Variants in DENND2A observed in about 807,000 individuals in gnomAD.
DENND2A encodes the protein DENN domain-containing protein 2A.
Under a neutral mutation model 105.3 loss-of-function variants are expected in DENND2A, and 53 were observed. The observed-to-expected ratio is 0.50, with a 90% CI of 0.40 to 0.63. The LOEUF is 0.63. DENND2A is among the 30% of genes least tolerant of loss of function. The pLI is 0.00. For synonymous variants in DENND2A, 522 were observed against 508.4 expected, an observed-to-expected ratio of 1.03 and a Z score of -0.36; for missense variants, 1,138 against 1,279.6, an observed-to-expected ratio of 0.89 and a Z score of 1.69.
intron 1 of DENND2A, among the ~76,000 whole-genome samples, chr7:140,606,298 C>T (rs1237083943): frequency 6.6e-6 from 1 of 152,198 alleles, no homozygotes; most frequent in Non-Finnish European, 1.5e-5. Context: ...CCTTGGCCTT[C>T]CTAAGTGCTG....
chr7:140,614,898 C>T (rs985716293), intron 1 of DENND2A, among the ~76,000 whole-genome samples: 1 of 152,132 alleles, frequency 6.6e-6, no homozygotes, highest in African/African-American at 2.4e-5. Context: ...GGGTCTGTTG[C>T]CCAGGATGGA....
intron 12 of DENND2A, among the ~76,000 whole-genome samples, chr7:140,550,056 A>G (rs1469155498): frequency 7.3e-6 from 1 of 137,556 alleles, no homozygotes; most frequent in East Asian, 2.5e-4. Flanking sequence ...CTACCTCTGT[A>G]ACATTCCTAG....
chr7:140,601,624 G>A lies in DENND2A; in HGVS notation c.774C>T (p.Pro258=), dbSNP rs756037054. 1.2e-6 allele frequency: 2 copies of A among 1,613,416 alleles called. No homozygotes were observed. The highest frequency in any genetic ancestry group is 1.7e-6 in the Non-Finnish European group (2 of 1,179,600). The change falls in exon 3 of 20, where the codon CCC becomes CCT. Residue 258 remains proline (P), a synonymous_variant. Coordinates refer to ENST00000496613, the MANE Select transcript of DENND2A (RefSeq NM_015689.5). ...GCAGAGGGTTGATGAAGGGCTTTGT[G>A]GGGGAACCCTCCGAGCCCCTATACA... The part of the protein sequence containing the change: ...ENVYRGSEGS[P]TKPFINPLPK...
chr7:140,589,342 C>T (rs1396457308), intron 3 of DENND2A, among the ~76,000 whole-genome samples: 2 of 152,164 alleles, frequency 1.3e-5, no homozygotes, highest in East Asian at 3.9e-4. Flanking sequence ...TACATTGCTG[C>T]ATTACACAGT....
intron 14 of DENND2A, among the ~76,000 whole-genome samples, chr7:140,535,707 G>A (rs928192404): frequency 3.3e-5 from 5 of 151,974 alleles, no homozygotes; most frequent in Non-Finnish European, 5.9e-5. Flanking sequence ...TCAGCCTCCT[G>A]AGGAGCTGGG....
intron 13 of DENND2A, among the ~76,000 whole-genome samples, chr7:140,545,812 G>A (rs117484733): frequency 7.2e-5 from 11 of 152,202 alleles, no homozygotes; most frequent in East Asian, 5.8e-4. Flanking sequence ...GTGTTGCACC[G>A]CCTGGTGCTG....
intron 8 of DENND2A, among the ~76,000 whole-genome samples, chr7:140,568,475 A>G (rs1585653501): frequency 6.6e-6 from 1 of 152,216 alleles, no homozygotes; most frequent in Non-Finnish European, 1.5e-5. Context: ...CTGCAGTGTC[A>G]AGCCTTGAAG....
intron 12 of DENND2A, among the ~76,000 whole-genome samples, chr7:140,547,408 A>T (rs931264345): frequency 5.9e-5 from 9 of 152,228 alleles, no homozygotes; most frequent in Non-Finnish European, 1.3e-4. Flanking sequence ...CCATCATGAA[A>T]ATACAAATCA....
At chr7:140,536,705 C>T (rs1389642350) in intron 14 of DENND2A, among the ~76,000 whole-genome samples, 1 of 151,998 alleles carries the variant, frequency 6.6e-6, no homozygotes. Flanking sequence ...TGCTCTGTTG[C>T]CCAAGCTGCA....
chr7:140,601,266 G>T, intron 3 of DENND2A, 137 bp downstream of exon 3: 1 of 1,205,036 alleles, frequency 8.3e-7, no homozygotes, highest in Non-Finnish European at 1.1e-6. Context: ...AGTATCTTAA[G>T]CTATGAACCA....
rs567843788 is a variant in DENND2A at position 140,559,684 on chromosome 7, C to T, written c.1889+24G>A. 1.5e-5 allele frequency: 24 copies of T among 1,577,728 alleles called. No individual in the cohort carries two copies. Among genetic ancestry groups the T allele is most frequent in the Admixed American group, 6.7e-5 (4 of 59,646 alleles). ...AGTCTCGCCTTAGTCTTTGGGGCTG[C>T]GAAGGGGAGAAGCCAGCTCGTACCT... is the stretch of plus-strand genomic sequence containing the variant. On this transcript the variant is annotated intron_variant, in intron 10 of 19. Coordinates refer to ENST00000496613, the MANE Select transcript of DENND2A (RefSeq NM_015689.5). The surrounding 1 kb of genome is among the most constrained non-coding windows in gnomAD (Gnocchi z 4.1).
chr7:140,576,595 T>G (rs1013072698), intron 5 of DENND2A, among the ~76,000 whole-genome samples: 3 of 152,256 alleles, frequency 2.0e-5, no homozygotes, highest in African/African-American at 7.2e-5. Flanking sequence ...ATTCGCTATT[T>G]GCTTAGTTCC....
intron 5 of DENND2A, among the ~76,000 whole-genome samples, chr7:140,579,960 C>T (rs1402946495): frequency 6.6e-6 from 1 of 151,954 alleles, no homozygotes; most frequent in African/African-American, 2.4e-5. Flanking sequence ...GATGAAACCC[C>T]GTCTCTACTA....
intron 18 of DENND2A, among the ~76,000 whole-genome samples, chr7:140,521,046 C>G (rs542460527): frequency 1.6e-3 from 229 of 143,416 alleles, no homozygotes; most frequent in African/African-American, 5.6e-3. Flanking sequence ...GGCTAATTTT[C>G]TTTATTTTTA....
chr7:140,535,648 C>T (rs753328652), intron 14 of DENND2A, among the ~76,000 whole-genome samples: 19 of 151,612 alleles, frequency 1.3e-4, no homozygotes, highest in Non-Finnish European at 2.4e-4. Context: ...ATGGCGTCGT[C>T]TCAGCTCACG....
In DENND2A at chr7:140,559,863, T is replaced by C. The variant is rs1563141302; in HGVS notation, c.1780-46A>G. The C allele has an allele frequency of 5.5e-6, 8 of 1,443,828 alleles. No individual in the cohort carries two copies. The highest frequency in any genetic ancestry group is 7.8e-6 in the Non-Finnish European group (8 of 1,028,294). 89.4% of individuals were successfully genotyped at this position (1,443,828 alleles called of 1,614,324 possible). On this transcript the variant is annotated intron_variant, in intron 9 of 19. Transcript: ENST00000496613. The surrounding 1 kb of genome is among the most constrained non-coding windows in gnomAD (Gnocchi z 4.1). The stretch of plus-strand genomic sequence containing the variant: ...GAAAATTCGAGAACAAATCTCAGCA[T>C]GGGAAATTGAGGCGGATGATGGTAA...
intron 1 of DENND2A, among the ~76,000 whole-genome samples, chr7:140,635,268 AAAT>A (rs761607124): frequency 1.4e-3 from 217 of 152,318 alleles, no homozygotes; most frequent in Non-Finnish European, 2.0e-3. Flanking sequence ...GTCTAAAAAT[AAAT>A]AATAATAAAA....
rs757832276 is a variant in DENND2A at position 140,522,036 on chromosome 7, A to C, written c.2730T>G (p.Ile910Met). The C allele has an allele frequency of 8.1e-6, 13 of 1,614,046 alleles. No individual in the cohort carries two copies. Among genetic ancestry groups the C allele is most frequent in the South Asian group, 1.1e-5 (1 of 91,086 alleles). The change falls in exon 18 of 20, where the codon ATT becomes ATG. Residue 910 changes from isoleucine (I) to methionine (M), a missense_variant. By Grantham distance (10) the Ile-to-Met change is conservative. This residue lies in a region of DENND2A where 627 missense variants were observed against 779.8 expected (regional missense o/e 0.80). Transcript: ENST00000496613. ...TCAGGAACAAAGAGTAGTGTCCCAC[A>C]ATCTCCACGAAGAAGCGGACAAAGG... ...SEAFVRFFVE[I>M]VGHYSLFLTS... is the part of the protein sequence containing the mutation.
intron 1 of DENND2A, among the ~76,000 whole-genome samples, chr7:140,624,627 G>C (rs964886169): frequency 1.3e-5 from 2 of 151,996 alleles, no homozygotes; most frequent in African/African-American, 4.8e-5. Context: ...GGGGACTCAG[G>C]TTTCCATGGA....
Sources: gnomAD v4.1 joint callset for allele counts (sites outside exome capture counted in the v4.1 genomes callset) on GRCh38, gnomAD v4.1.1 for gene constraint, gnomAD v4.1.1 regional missense constraint, Gnocchi (gnomAD v3.1) non-coding constraint, MANE v1.5 for transcripts, NCBI Gene and HGNC (gene_info 2026-07-23, HGNC 2026-07-21) for gene names.